Variants in PPP2R5C observed in about 807,000 individuals in gnomAD.
PPP2R5C encodes serine/threonine-protein phosphatase 2A 56 kDa regulatory subunit gamma isoform.
In PPP2R5C, 7 loss-of-function variants were observed where a neutral mutation model predicts 68.9. The observed-to-expected ratio is 0.10, with a 90% CI of 0.06 to 0.19. The LOEUF (loss-of-function observed/expected upper bound fraction) is 0.19, where lower values mean the gene tolerates loss of function less well. Ranked by LOEUF, PPP2R5C falls within the 10% of genes least tolerant of loss-of-function variation. The pLI, the probability that PPP2R5C is intolerant of heterozygous loss-of-function variation, is 1.00. For synonymous variants in PPP2R5C, 210 were observed against 222.2 expected, an observed-to-expected ratio of 0.95 and a Z score of 0.49; for missense variants, 348 against 641.3, an observed-to-expected ratio of 0.54 and a Z score of 4.94.
chr14:101,789,917 G>C (rs1405243357), intron 3 of PPP2R5C: 3 of 151,722 alleles, frequency 2.0e-5, no homozygotes, highest in Non-Finnish European at 4.4e-5. Context: ...CGTCCATTTA[G>C]AAAGGGGGGT....
chr14:101,762,918 C>T, exon 2 of PPP2R5C: 1 of 1,583,736 alleles, frequency 6.3e-7, no homozygotes, highest in South Asian at 1.2e-5. Context: ...TCACCAAAAG[C>T]AGGGAAGAGT....
chr14:101,820,589 A>G (rs1210630508), intron 1 of PPP2R5C: 2 of 152,198 alleles, frequency 1.3e-5, no homozygotes, highest in Admixed American at 1.3e-4. Flanking sequence ...AACATCGGCA[A>G]TTTTTTGAGA....
chr14:101,911,951 C>T (rs1176230026), intron 11 of PPP2R5C, among the ~76,000 whole-genome samples: 1 of 151,742 alleles, frequency 6.6e-6, no homozygotes, highest in Non-Finnish European at 1.5e-5. Flanking sequence ...TGGAGTCAGT[C>T]AACAACCCAG....
intron 3 of PPP2R5C, among the ~76,000 whole-genome samples, chr14:101,799,907 G>A (rs971912185): frequency 3.3e-5 from 5 of 152,212 alleles, no homozygotes; most frequent in South Asian, 2.1e-4. Context: ...CTGTGCCTAA[G>A]AGACAGTATT....
intron 1 of PPP2R5C, among the ~76,000 whole-genome samples, chr14:101,828,144 C>T (rs1036030066): frequency 2.6e-5 from 4 of 152,088 alleles, no homozygotes; most frequent in African/African-American, 9.7e-5. Context: ...TTTATGTAAC[C>T]TCAAAGCCCA....
Position 101,906,880 on chromosome 14 carries a change from G to A in PPP2R5C, c.1151+351G>A, listed in dbSNP as rs561828341. Among the ~76,000 whole-genome samples the A allele has an allele frequency of 7.2e-5, 11 of 152,184 alleles. No individual in the cohort carries two copies. The highest frequency in any genetic ancestry group is 3.9e-4 in the East Asian group (2 of 5,156). ...GGGGCACAGTGGCCACTGCATTCTC[G>A]GGGTGTCTATTGAGCTCTGCTGACA... On this transcript the variant is annotated intron_variant, in intron 10 of 13. Transcript: ENST00000334743. This position sits in a 1 kb window ranked among gnomAD's most constrained non-coding sequence, Gnocchi z 4.0.
Position 101,776,023 on chromosome 14 carries a change from C to T in PPP2R5C, c.94-9995C>T, listed in dbSNP as rs1213705096. On this transcript the variant is annotated intron_variant, in intron 2 of 14. Coordinates refer to the PPP2R5C transcript ENST00000328724. ...GTCTCAAATAGCATTTCAGATTGTG[C>T]CCCCCCCCCACTCCACCCCCGCCTT... is the stretch of plus-strand genomic sequence containing the variant. Among the ~76,000 whole-genome samples the T allele has an allele frequency of 2.3e-5, 3 of 128,858 alleles. No homozygotes were observed. In the East Asian group the frequency reaches 8.4e-4, roughly 36 times the overall value. The allele number at this position is 128,858 out of a possible 152,430, so 84.5% of individuals were successfully genotyped here.
upstream of PPP2R5C, among the ~76,000 whole-genome samples, chr14:101,761,437 A>C (rs1162288931): frequency 4.0e-5 from 6 of 150,358 alleles, no homozygotes; most frequent in African/African-American, 1.2e-4. Context: ...GGCCTGCCTG[A>C]GGCCGGCTCG....
At chr14:101,766,235 G>A (rs1245673957) in intron 2 of PPP2R5C, 1 of 152,228 alleles carries the variant, frequency 6.6e-6, no homozygotes, top group African/African-American at 2.4e-5. Context: ...ACATTTGATG[G>A]TTTGGGTTTT....
chr14:101,924,781 C>T (rs911478264), intron 13 of PPP2R5C, among the ~76,000 whole-genome samples: 3 of 152,008 alleles, frequency 2.0e-5, no homozygotes, highest in African/African-American at 7.3e-5. Context: ...AGGGGACATG[C>T]CCATGAAATG....
Position 101,798,297 on chromosome 14 carries a change from A to G in PPP2R5C, c.259+12114A>G, listed in dbSNP as rs150999283. Reference sequence around the variant, plus strand: ...TAGAAGCATATTTAATTTGCCTACAAAATTGCTTGGAGAGCCTTAAAAAAT... The same window carrying G: ...TAGAAGCATATTTAATTTGCCTACAGAATTGCTTGGAGAGCCTTAAAAAAT... On this transcript the variant is annotated intron_variant, in intron 3 of 14. Transcript: ENST00000328724. 2.4e-3 allele frequency among the ~76,000 whole-genome samples: 359 copies of G among 152,372 alleles called. 3 individuals are homozygous for G. The highest frequency in any genetic ancestry group is 0.014 in the Middle Eastern group (4 of 294).
intron 5 of PPP2R5C, 147 bp downstream of exon 7, chr14:101,883,709 C>A: frequency 9.1e-7 from 1 of 1,101,162 alleles, no homozygotes; most frequent in Non-Finnish European, 1.3e-6. Flanking sequence ...AGGTGGACCC[C>A]CTTGTGCACT....
intron 2 of PPP2R5C, among the ~76,000 whole-genome samples, chr14:101,868,666 G>A (rs376420494): frequency 1.3e-5 from 2 of 152,090 alleles, no homozygotes; most frequent in African/African-American, 2.4e-5. Flanking sequence ...AACTTGTTAG[G>A]TATTTCTTTT....
rs188170716 is a variant in PPP2R5C at position 101,778,762 on chromosome 14, A to G, written c.94-7256A>G. ...ACTACCTTGAGCCAGATGCACTTTT[A>G]AAAGATCCAAGGCTGGGTGCGGTGG... is the stretch of plus-strand genomic sequence containing the variant. On this transcript the variant is annotated intron_variant, in intron 2 of 14. Coordinates refer to the PPP2R5C transcript ENST00000328724. Among the ~76,000 whole-genome samples the G allele has an allele frequency of 1.9e-3, 295 of 152,270 alleles. 3 individuals carry two copies. The Middle Eastern group carries it at 0.11, about 54-fold the overall frequency.
In PPP2R5C at chr14:101,917,936, G is replaced by C; in HGVS notation, c.1432G>C (p.Glu478Gln). Reference sequence around the variant, plus strand: ...GATGCTGAGAAAGACAGTGAAGGACGAGGCTCATCAGGTAAAAGTGCACCG... The same window carrying C: ...GATGCTGAGAAAGACAGTGAAGGACCAGGCTCATCAGGTAAAAGTGCACCG... The change falls in exon 13 of 14, where the codon GAG (glutamate) becomes CAG (glutamine). Residue 478 changes from glutamate to glutamine, a missense_variant. Glu to Gln is a conservative substitution (Grantham distance 29). Coordinates refer to ENST00000334743, the Ensembl canonical transcript of PPP2R5C. This position sits in a 1 kb window ranked among gnomAD's most constrained non-coding sequence, Gnocchi z 4.4. 1 of 1,613,872 alleles carries C rather than the reference G, an allele frequency of 6.2e-7. No individual in the cohort carries two copies. The highest frequency in any genetic ancestry group is 2.2e-5 in the East Asian group (1 of 44,888).
At chr14:101,830,069 TCAGAGTGTGTACAATACCATTTTGTAAAG>T (rs2040645558) in intron 1 of PPP2R5C, among the ~76,000 whole-genome samples, 1 of 152,188 alleles carries the variant, frequency 6.6e-6, no homozygotes, top group African/African-American at 2.4e-5. Context: ...TTCTGAACCC[TCAGAGTGTGTACAATACCATTTTGTAAAG>T]AAAAGCATCT....
intron 13 of PPP2R5C, among the ~76,000 whole-genome samples, chr14:101,919,740 G>A (rs1372914954): frequency 6.6e-6 from 1 of 152,160 alleles, no homozygotes; most frequent in Admixed American, 6.5e-5. Context: ...GGCCGAGGCA[G>A]GCAGATCACC....
chr14:101,779,494 G>A (rs1037637494), intron 2 of PPP2R5C, among the ~76,000 whole-genome samples: 3 of 152,154 alleles, frequency 2.0e-5, no homozygotes, highest in East Asian at 1.9e-4. Flanking sequence ...GTTTGGGAAC[G>A]GGAAGAGGGC....
intron 2 of PPP2R5C, among the ~76,000 whole-genome samples, chr14:101,875,420 G>C (rs1181764937): frequency 1.3e-5 from 2 of 152,314 alleles, no homozygotes; most frequent in Admixed American, 6.5e-5. Context: ...AATTAGGACT[G>C]TAATTATTTT....
Sources: allele counts gnomAD v4.1 joint callset (sites outside exome capture counted in the v4.1 genomes callset), GRCh38; gene constraint gnomAD v4.1.1; non-coding constraint Gnocchi (gnomAD v3.1); transcripts MANE v1.5; gene names NCBI Gene and HGNC (gene_info 2026-07-23, HGNC 2026-07-21).